Variants in AGBL3 observed in about 807,000 individuals in gnomAD.
The protein encoded by AGBL3 is AGBL carboxypeptidase 3.
AGBL3 carries 68 observed loss-of-function variants against 94.5 expected under a neutral mutation model. The observed-to-expected ratio is 0.72, with a 90% confidence interval of 0.59 to 0.88. The LOEUF is 0.88. Among genes scored for constraint, AGBL3 ranks in the 40% least tolerant of loss-of-function variants. The probability of loss-of-function intolerance (pLI) is 0.00; values close to 1 mark genes in which losing one functional copy is unlikely to be tolerated. For synonymous variants in AGBL3, 354 were observed against 370.7 expected, an observed-to-expected ratio of 0.95 and a Z score of 0.52; for missense variants, 934 against 1,103.8, an observed-to-expected ratio of 0.85 and a Z score of 2.18.
chr7:135,128,320 C>T (rs1245270885), intron 16 of AGBL3: 1 of 77,926 alleles, frequency 1.3e-5, no homozygotes, highest in Non-Finnish European at 2.5e-5. Flanking sequence ...AAAAAAAAAA[C>T]GAAAAAAAAA....
At chr7:135,067,515 C>T (rs1010363849) in intron 12 of AGBL3, among the ~76,000 whole-genome samples, 5 of 152,190 alleles carry the variant, frequency 3.3e-5, no homozygotes, top group African/African-American at 1.2e-4. Flanking sequence ...ACACCTCACA[C>T]GGCCCGGTAC....
intron 12 of AGBL3, among the ~76,000 whole-genome samples, chr7:135,070,863 A>C (rs1006498808): frequency 3.3e-5 from 5 of 152,102 alleles, no homozygotes; most frequent in African/African-American, 1.2e-4. Flanking sequence ...ATAGTGTTGG[A>C]AGTTCTGGCC....
chr7:135,094,304 G>T, intron 15 of AGBL3: 1 of 449,568 alleles, frequency 2.2e-6, no homozygotes, highest in Non-Finnish European at 4.5e-6. Flanking sequence ...GAGAACTGAG[G>T]CTGACAAGTA....
At chr7:135,042,609 G>A (rs975273970) in intron 8 of AGBL3, among the ~76,000 whole-genome samples, 2 of 152,056 alleles carry the variant, frequency 1.3e-5, no homozygotes, top group African/African-American at 4.8e-5. Context: ...CTATATGTGT[G>A]TTAAAATTCA....
Position 135,034,606 on chromosome 7 carries a change from A to G in AGBL3, c.1015A>G (p.Ile339Val). The change falls in exon 7 of 17, where the codon ATT becomes GTT. Residue 339 changes from isoleucine to valine, a missense_variant. By Grantham distance (29) the Ile-to-Val change is conservative. Around this residue, in one of 3 missense-constraint regions of AGBL3, gnomAD observed 488 missense variants for 563.6 expected, o/e 0.87. Coordinates refer to ENST00000436302, the MANE Select transcript of AGBL3 (RefSeq NM_178563.4). ...CHTLARNMVY[I>V]LTITTPLKNS... ...CACGCTTGCTAGGAACATGGTGTAT[A>G]TTTTAACAATCACTACCCCCTTGAA... is the stretch of plus-strand genomic sequence containing the variant. The G allele has an allele frequency of 6.4e-7, 1 of 1,551,716 alleles. No individual in the cohort carries two copies. The highest frequency in any genetic ancestry group is 8.7e-7 in the Non-Finnish European group (1 of 1,146,974).
chr7:135,050,241 C>A (rs575554496), intron 11 of AGBL3, among the ~76,000 whole-genome samples: 1 of 151,956 alleles, frequency 6.6e-6, no homozygotes, highest in South Asian at 2.1e-4. Context: ...TAGTTTCACC[C>A]CATTATGGTC....
At chr7:135,118,682 C>T (rs944188265) in intron 16 of AGBL3, among the ~76,000 whole-genome samples, 1 of 152,034 alleles carries the variant, frequency 6.6e-6, no homozygotes, top group Admixed American at 6.5e-5. Context: ...TTAGTAGACA[C>T]AAACACTGAG....
At chr7:135,066,233 C>T (rs2348058) in intron 12 of AGBL3, among the ~76,000 whole-genome samples, 141,656 of 152,236 alleles carry the variant, frequency 0.93, 66,683 homozygotes, top group Non-Finnish European at 1. Context: ...TATATCTGAA[C>T]AGGGGGTAAT....
intron 16 of AGBL3, among the ~76,000 whole-genome samples, chr7:135,132,466 C>G (rs952299411): frequency 2.0e-5 from 3 of 152,058 alleles, no homozygotes; most frequent in Non-Finnish European, 2.9e-5. Context: ...AATTCAGTAC[C>G]CATCCATGAT....
chr7:134,996,529 T>C (rs1370407020), intron 4 of AGBL3, among the ~76,000 whole-genome samples: 1 of 152,186 alleles, frequency 6.6e-6, no homozygotes. Context: ...AGTCCAGCTA[T>C]AAATTAACTC....
chr7:135,013,637 T>G (rs11979533), intron 4 of AGBL3, among the ~76,000 whole-genome samples: 141,540 of 152,004 alleles, frequency 0.93, 66,680 homozygotes, highest in Non-Finnish European at 1. Context: ...TTCCACTGTA[T>G]TTGATTAAGT....
At chr7:135,095,391 G>A (rs1822514743) in intron 15 of AGBL3, among the ~76,000 whole-genome samples, 1 of 152,082 alleles carries the variant, frequency 6.6e-6, no homozygotes, top group Admixed American at 6.6e-5. Context: ...GTCGTTCTTT[G>A]GAAATCCTAA....
chr7:135,110,664 T>C (rs1446034943), intron 15 of AGBL3, among the ~76,000 whole-genome samples: 1 of 152,178 alleles, frequency 6.6e-6, no homozygotes, highest in Non-Finnish European at 1.5e-5. Context: ...ATGGGTCAAG[T>C]TGTTTTCTTT....
At chr7:135,080,326 C>A (rs758848350) in intron 14 of AGBL3, 66 bp downstream of exon 14, 29 of 1,386,256 alleles carry the variant, frequency 2.1e-5, no homozygotes, top group Non-Finnish European at 2.4e-5. Context: ...ATTTTTGGTG[C>A]CACAACTTTG....
At position 135,080,233 on chromosome 7, in the gene AGBL3, C is replaced by A. The variant is rs1428732959; in HGVS notation, c.2011C>A (p.His671Asn). 1 of 1,549,498 alleles carries A rather than the reference C, an allele frequency of 6.5e-7. No individual in the cohort carries two copies. ...TGATAGAGGGCATTTGCTGCAAAGACACACACAATCAAATTCTGATGTGAA... is the reference window on the plus strand; with the variant it reads ...TGATAGAGGGCATTTGCTGCAAAGAAACACACAATCAAATTCTGATGTGAA... The part of the protein sequence containing the change: ...VYDRGHLLQR[H>N]TQSNSDVKDT... Residue 671 changes from histidine to asparagine, a missense_variant, in exon 14 of 17, where the codon CAC (histidine) becomes AAC (asparagine). By Grantham distance (68) the His-to-Asn change is moderately conservative. Around this residue, in one of 3 missense-constraint regions of AGBL3, gnomAD observed 441 missense variants for 518.2 expected, o/e 0.85. Transcript: ENST00000436302.
intron 4 of AGBL3, among the ~76,000 whole-genome samples, chr7:135,013,062 T>C (rs577699728): frequency 2.5e-4 from 38 of 152,300 alleles, no homozygotes; most frequent in African/African-American, 8.7e-4. Flanking sequence ...GCAGAATATA[T>C]GAAGAATTCC....
At chr7:135,045,301 GA>G in intron 9 of AGBL3, among the ~76,000 whole-genome samples, 172 bp from the exon 10 acceptor site, 1 of 152,162 alleles carries the variant, frequency 6.6e-6, no homozygotes, top group Middle Eastern at 3.4e-3. Flanking sequence ...CCAGATGGTG[GA>G]AAAGGAACAA....
intron 4 of AGBL3, among the ~76,000 whole-genome samples, chr7:135,009,349 A>G (rs1812809650): frequency 6.6e-6 from 1 of 152,170 alleles, no homozygotes; most frequent in Non-Finnish European, 1.5e-5. Context: ...CTTTGAAAAC[A>G]TTATGCTGAG....
intron 15 of AGBL3, among the ~76,000 whole-genome samples, chr7:135,097,974 G>A (rs1396512997): frequency 6.6e-6 from 1 of 152,132 alleles, no homozygotes; most frequent in African/African-American, 2.4e-5. Context: ...CTGAGAAAGA[G>A]AAGTTTAACT....
Sources: allele counts gnomAD v4.1 joint callset (sites outside exome capture counted in the v4.1 genomes callset), GRCh38; gene constraint gnomAD v4.1.1; regional missense constraint gnomAD v4.1.1; transcripts MANE v1.5; gene names NCBI Gene and HGNC (gene_info 2026-07-23, HGNC 2026-07-21).